MAD1L1: variants seen among roughly 807,000 people sequenced by gnomAD.
MAD1L1 encodes the protein mitotic arrest deficient 1 like 1.
In MAD1L1, 95 loss-of-function variants were observed where a neutral mutation model predicts 96.9. That is an observed-to-expected ratio of 0.98 (90% confidence interval 0.83 to 1.16). MAD1L1 has a LOEUF of 1.16. Among genes scored for constraint, MAD1L1 ranks in the 50% most tolerant of loss-of-function variants. MAD1L1 has a pLI of 0.00. For missense variants in MAD1L1, 1,007 were observed against 954.4 expected (o/e 1.06, Z -0.73); for synonymous variants, 473 against 396.6 (o/e 1.19, Z -2.29).
chr7:1,967,633 C>T (rs1007432726), intron 15 of MAD1L1, among the ~76,000 whole-genome samples: 4 of 152,188 alleles, frequency 2.6e-5, no homozygotes, highest in African/African-American at 9.7e-5. Flanking sequence ...AGGCTCCGGG[C>T]TCCCTGGAGG....
At chr7:2,156,088 T>G (rs556317317) in intron 10 of MAD1L1, among the ~76,000 whole-genome samples, 86 of 151,766 alleles carry the variant, frequency 5.7e-4, no homozygotes, top group African/African-American at 1.8e-3. Flanking sequence ...ACCAGGACAG[T>G]GGGCGCATGG....
intron 17 of MAD1L1, among the ~76,000 whole-genome samples, chr7:1,899,123 G>A (rs117201337): frequency 0.021 from 3,220 of 152,346 alleles, 66 homozygotes; most frequent in Non-Finnish European, 0.036. Context: ...ACTATTCAGG[G>A]TACAGCCCCA....
intron 18 of MAD1L1, among the ~76,000 whole-genome samples, chr7:1,890,296 G>C (rs1786458246): frequency 6.6e-6 from 1 of 152,196 alleles, no homozygotes; most frequent in East Asian, 1.9e-4. Context: ...CTGCGTCATG[G>C]GGTCACAGGC....
At chr7:1,987,464 G>C (rs1470163742) in intron 14 of MAD1L1, among the ~76,000 whole-genome samples, 1 of 152,242 alleles carries the variant, frequency 6.6e-6, no homozygotes, top group Non-Finnish European at 1.5e-5. Flanking sequence ...GAAGCGAAGA[G>C]AGCCGCCCAT....
chr7:2,064,568 T>C (rs1403335349), intron 12 of MAD1L1, among the ~76,000 whole-genome samples: 1 of 152,122 alleles, frequency 6.6e-6, no homozygotes, highest in East Asian at 1.9e-4. Context: ...GGACAGAGGA[T>C]TCTCCTAGGA....
chr7:2,216,227 A>T lies in MAD1L1; in HGVS notation c.739T>A (p.Ser247Thr). The T allele has an allele frequency of 6.2e-7, 1 of 1,614,114 alleles. No homozygotes were observed. Among genetic ancestry groups the T allele is most frequent in the Non-Finnish European group, 8.5e-7 (1 of 1,180,032 alleles). ...QDAAIVKNMKSELVRLPRLER... is the reference protein window; with the variant it reads ...QDAAIVKNMKTELVRLPRLER... The stretch of plus-strand genomic sequence containing the variant: ...AGCCTAGGGAGCCGTACCAGCTCAG[A>T]CTTCATGTTCTTCACAATCGCTGCA... Residue 247 changes from serine (S) to threonine (T), a missense_variant, in exon 8 of 19, where the codon TCT (serine) becomes ACT (threonine). Ser to Thr is a moderately conservative substitution (Grantham distance 58, BLOSUM62 1). Transcript: ENST00000265854.
chr7:1,879,092 T>TA, intron 18 of MAD1L1, among the ~76,000 whole-genome samples: 1 of 152,156 alleles, frequency 6.6e-6, no homozygotes. Context: ...TGTTGGAAAA[T>TA]AAAAAACATT....
intron 18 of MAD1L1, among the ~76,000 whole-genome samples, chr7:1,854,075 G>A (rs999628977): frequency 3.9e-5 from 6 of 152,272 alleles, no homozygotes; most frequent in African/African-American, 7.2e-5. Flanking sequence ...CACGGGCGTC[G>A]GGTACATTTA....
chr7:1,875,995 G>C (rs1458184876), intron 18 of MAD1L1, among the ~76,000 whole-genome samples: 3 of 152,218 alleles, frequency 2.0e-5, no homozygotes, highest in Admixed American at 6.5e-5. Flanking sequence ...CTCCCCAGGG[G>C]CCAACTCCGG....
At chr7:2,059,737 G>A (rs1784557004) in intron 12 of MAD1L1, among the ~76,000 whole-genome samples, 1 of 151,986 alleles carries the variant, frequency 6.6e-6, no homozygotes, top group South Asian at 2.1e-4. Flanking sequence ...GGGGAAGCAT[G>A]GCCAGCATCT....
chr7:1,973,549 G>A (rs1051044623), intron 15 of MAD1L1, among the ~76,000 whole-genome samples: 6 of 152,006 alleles, frequency 3.9e-5, no homozygotes, highest in Non-Finnish European at 8.8e-5. Context: ...GCAGACAGCT[G>A]GGTACGAGCT....
rs371529590 is a variant in MAD1L1, at chr7:1,970,969, G to A, written c.1505+9484C>T. Among the ~76,000 whole-genome samples the A allele has an allele frequency of 3.3e-5, 5 of 152,322 alleles. No individual in the cohort carries two copies. In the East Asian group the frequency reaches 5.8e-4, roughly 18 times the overall value. ...TAAATGAATCCCTTCCATTGTGTGC[G>A]AGTTGCGCTAATACAGTAGATATCC... On this transcript the variant is annotated intron_variant, in intron 15 of 18. Coordinates refer to ENST00000265854, the MANE Select transcript of MAD1L1 (RefSeq NM_001013836.2).
intron 18 of MAD1L1, among the ~76,000 whole-genome samples, chr7:1,842,017 C>T (rs1362163727): frequency 2.0e-5 from 3 of 152,218 alleles, no homozygotes; most frequent in East Asian, 1.9e-4. Context: ...ACTTACCCTC[C>T]GGCGTCACCA....
chr7:2,164,598 G>GT (rs1790331701), intron 10 of MAD1L1, among the ~76,000 whole-genome samples: 1 of 149,300 alleles, frequency 6.7e-6, no homozygotes, highest in Non-Finnish European at 1.5e-5. Context: ...AAAAATGGGG[G>GT]GGGGGGGGGT....
At chr7:2,127,179 C>CA (rs1252851829) in intron 11 of MAD1L1, among the ~76,000 whole-genome samples, 4 of 152,192 alleles carry the variant, frequency 2.6e-5, no homozygotes, top group Non-Finnish European at 5.9e-5. Flanking sequence ...TCAGGGCTGG[C>CA]ATGAGCCCAC....
intron 12 of MAD1L1, among the ~76,000 whole-genome samples, chr7:2,057,647 G>A (rs1353485723): frequency 1.3e-5 from 2 of 152,138 alleles, no homozygotes; most frequent in South Asian, 2.1e-4. Flanking sequence ...CTTTGTATGC[G>A]TTAAATCCTG....
intron 18 of MAD1L1, among the ~76,000 whole-genome samples, chr7:1,888,522 G>A (rs913528802): frequency 1.4e-5 from 2 of 140,210 alleles, no homozygotes; most frequent in African/African-American, 5.5e-5. Context: ...GTGTGTGCAT[G>A]CGTGTGTGGT....
chr7:2,162,268 C>G (rs1289144186), intron 10 of MAD1L1, among the ~76,000 whole-genome samples: 10 of 151,822 alleles, frequency 6.6e-5, no homozygotes, highest in Admixed American at 2.6e-4. Context: ...CCTTGGGATG[C>G]TGTTAATCTA....
intron 18 of MAD1L1, among the ~76,000 whole-genome samples, chr7:1,839,703 T>C (rs1198635234): frequency 6.6e-6 from 1 of 152,130 alleles, no homozygotes. Flanking sequence ...ACAGAAGGGC[T>C]CTAGGCTGCC....
Sources: gnomAD v4.1 joint callset for allele counts (sites outside exome capture counted in the v4.1 genomes callset) on GRCh38, gnomAD v4.1.1 for gene constraint, MANE v1.5 for transcripts, NCBI Gene and HGNC (gene_info 2026-07-23, HGNC 2026-07-21) for gene names.